Variants in SERINC2 observed in about 807,000 individuals in gnomAD.
SERINC2 encodes the protein serine incorporator 2.
SERINC2 carries 56 observed loss-of-function variants against 54.2 expected under a neutral mutation model. The observed-to-expected ratio is 1.03, with a 90% CI of 0.83 to 1.29. The LOEUF is 1.29. Among genes scored for constraint, SERINC2 ranks in the 50% most tolerant of loss-of-function variants. The pLI is 0.00. For synonymous variants in SERINC2, 272 were observed against 253.1 expected, an observed-to-expected ratio of 1.07 and a Z score of -0.71; for missense variants, 614 against 607.4, an observed-to-expected ratio of 1.01 and a Z score of -0.12.
chr1:31,426,145 T>G, intron 5 of SERINC2: 1 of 517,900 alleles, frequency 1.9e-6, no homozygotes, highest in African/African-American at 1.9e-5. Context: ...AGGGGTCTTG[T>G]TTGGGGGTTC....
At chr1:31,431,796 T>TAGGGTGGAC (rs1557499816) in intron 8 of SERINC2, among the ~76,000 whole-genome samples, 4 of 10,926 alleles carry the variant, frequency 3.7e-4, no homozygotes, top group African/African-American at 4.4e-4. Context: ...ATAGGGTGGA[T>TAGGGTGGAC]AGGGTGGACA....
chr1:31,417,825 T>A (rs1384869252), intron 1 of SERINC2, among the ~76,000 whole-genome samples: 1 of 151,500 alleles, frequency 6.6e-6, no homozygotes, highest in Non-Finnish European at 1.5e-5. Context: ...GGTTCATCCA[T>A]GTTATAGCAT....
At chr1:31,432,811 G>A (rs1486637000) in intron 8 of SERINC2, among the ~76,000 whole-genome samples, 156 bp from the exon 9 acceptor site, 2 of 152,194 alleles carry the variant, frequency 1.3e-5, no homozygotes, top group African/African-American at 4.8e-5. Context: ...GAAAATGGGA[G>A]TGGGGGTAGG....
At position 31,425,444 on chromosome 1, in the gene SERINC2, G is replaced by T. The variant is rs531654693; in HGVS notation, c.472+35G>T. ...CTTGGCAGGAGGCATGGGGGGCTGTGGGGAGGGAAGTGGGGCGGCAGGTTG... is the reference window on the plus strand; with the variant it reads ...CTTGGCAGGAGGCATGGGGGGCTGTTGGGAGGGAAGTGGGGCGGCAGGTTG... On this transcript the variant is annotated intron_variant, in intron 4 of 9. Transcript: ENST00000373709. 1.7e-5 allele frequency: 25 copies of T among 1,459,820 alleles called. No homozygotes were observed. In the South Asian group the frequency reaches 2.6e-4, roughly 15 times the overall value. 90.4% of individuals were successfully genotyped at this position (1,459,820 alleles called of 1,614,324 possible).
At chr1:31,423,880 G>C in intron 2 of SERINC2, 26 bp downstream of exon 2, 1 of 1,606,908 alleles carries the variant, frequency 6.2e-7, no homozygotes, top group Non-Finnish European at 8.5e-7. Context: ...GAGGCAGGGC[G>C]GCCTCCAGCG....
At chr1:31,414,454 TGAGAGA>T (rs149012313) in intron 1 of SERINC2, 2,059 of 731,648 alleles carry the variant, frequency 2.8e-3, no homozygotes, top group Non-Finnish European at 3.1e-3. Flanking sequence ...TGTGTGTGTG[TGAGAGA>T]GAGAGAGAGA....
upstream of SERINC2, among the ~76,000 whole-genome samples, chr1:31,412,068 G>T (rs1261013400): frequency 2.0e-5 from 3 of 149,256 alleles, no homozygotes; most frequent in Admixed American, 2.0e-4. Context: ...AGGAGGAAAA[G>T]TATAGGGTGT....
At chr1:31,432,073 GACA>G (rs1641275921) in intron 8 of SERINC2, among the ~76,000 whole-genome samples, 1 of 133,496 alleles carries the variant, frequency 7.5e-6, no homozygotes, top group African/African-American at 3.0e-5. Flanking sequence ...GGACAGGGTG[GACA>G]GGGTGGTTAG....
chr1:31,409,894 C>A, upstream of SERINC2: 1 of 1,506,674 alleles, frequency 6.6e-7, no homozygotes, highest in Non-Finnish European at 9.0e-7. Flanking sequence ...GGCACTGAGG[C>A]GGGGGCAGGA....
At chr1:31,409,885 G>T, upstream of SERINC2, 1 of 1,530,274 alleles carries the variant, frequency 6.5e-7, no homozygotes, top group Non-Finnish European at 8.8e-7. Context: ...TGGATTGGGG[G>T]CACTGAGGCG....
chr1:31,425,796 G>A lies in SERINC2; in HGVS notation c.493G>A (p.Val165Met), dbSNP rs781886054. ...FTNIWFYFGV[V>M]GSFLFILIQL... ...CCCAGTCTGGTTCTACTTCGGCGTC[G>A]TGGGCTCCTTCCTCTTCATCCTCAT... The change falls in exon 5 of 10, where the codon GTG becomes ATG. Residue 165 changes from valine to methionine, a missense_variant. By Grantham distance (21) the Val-to-Met change is conservative. Coordinates refer to ENST00000373709, the MANE Select transcript of SERINC2 (RefSeq NM_178865.5). 5.6e-6 allele frequency: 9 copies of A among 1,613,252 alleles called. No individual in the cohort carries two copies. The highest frequency in any genetic ancestry group is 2.7e-5 in the African/African-American group (2 of 74,908).
At chr1:31,424,964 A>G (rs1486344939) in intron 3 of SERINC2, 91 bp downstream of exon 3, 1 of 1,053,658 alleles carries the variant, frequency 9.5e-7, no homozygotes, top group Non-Finnish European at 1.4e-6. Context: ...GACCCTACCC[A>G]CCACTCAGGA....
intron 8 of SERINC2, among the ~76,000 whole-genome samples, chr1:31,432,183 T>TGGAC (rs1641309550): frequency 4.9e-5 from 3 of 61,590 alleles, no homozygotes; most frequent in Non-Finnish European, 8.3e-5. Flanking sequence ...ATAGGGTGGA[T>TGGAC]AGGGTGGTTA....
At chr1:31,412,564 G>C (rs1376629441), upstream of SERINC2, among the ~76,000 whole-genome samples, 1 of 152,168 alleles carries the variant, frequency 6.6e-6, no homozygotes, top group Non-Finnish European at 1.5e-5. Context: ...AGCTACTCAG[G>C]AGCCTGAAGC....
intron 8 of SERINC2, among the ~76,000 whole-genome samples, chr1:31,431,554 C>G (rs1641200718): frequency 6.6e-6 from 1 of 152,238 alleles, no homozygotes. Flanking sequence ...CCTCCCCGAC[C>G]TGGCACAGCT....
intron 5 of SERINC2, 24 bp from the exon 6 acceptor site, chr1:31,426,630 C>G (rs1553133639): frequency 6.3e-7 from 1 of 1,580,258 alleles, no homozygotes; most frequent in South Asian, 1.1e-5. Context: ...CACTGCCTAC[C>G]CTCTCACTAC....
chr1:31,426,578 G>T lies in SERINC2; in HGVS notation c.611-76G>T. The T allele has an allele frequency of 5.6e-6, 7 of 1,253,030 alleles. No homozygotes were observed. The South Asian group carries it at 9.1e-5, about 16-fold the overall frequency. The allele number at this position is 1,253,030 out of a possible 1,614,324, so 77.6% of individuals were successfully genotyped here. A position where few individuals can be genotyped will look rare whatever the true frequency, so the allele number is the denominator to read the frequency against. Reference sequence around the variant, plus strand: ...GGAGAGGGGGAGAGCTGCCAACAGGGTCCCTCGAGGGAGTAGGGATCCCTG... The same window carrying T: ...GGAGAGGGGGAGAGCTGCCAACAGGTTCCCTCGAGGGAGTAGGGATCCCTG... On this transcript the variant is annotated intron_variant, in intron 5 of 9. Transcript: ENST00000373709.
intron 1 of SERINC2, among the ~76,000 whole-genome samples, chr1:31,421,922 G>T (rs1553132771): frequency 6.6e-6 from 1 of 152,170 alleles, no homozygotes; most frequent in African/African-American, 2.4e-5. Context: ...AGAGCCACCT[G>T]TCTAGAACTT....
intron 6 of SERINC2, among the ~76,000 whole-genome samples, chr1:31,428,061 A>G (rs1435894860): frequency 2.0e-5 from 3 of 148,960 alleles, no homozygotes; most frequent in African/African-American, 7.4e-5. Context: ...TTTGAGACAG[A>G]ATCTTGCTCT....
Sources: gnomAD v4.1 joint callset for allele counts (sites outside exome capture counted in the v4.1 genomes callset) on GRCh38, gnomAD v4.1.1 for gene constraint, MANE v1.5 for transcripts, NCBI Gene and HGNC (gene_info 2026-07-23, HGNC 2026-07-21) for gene names.